Variants in DLG2 observed in about 807,000 individuals in gnomAD.
DLG2 encodes the protein discs large MAGUK scaffold protein 2, also known as disks large homolog 2.
DLG2 carries 45 observed loss-of-function variants against 132.5 expected under a neutral mutation model. The observed-to-expected ratio is 0.34, with a 90% CI of 0.27 to 0.44. DLG2 has a LOEUF of 0.44. Ranked by LOEUF, DLG2 falls within the 20% of genes least tolerant of loss-of-function variation. The pLI is 1.00. For missense variants in DLG2, 1,045 were observed against 1,196.9 expected, an observed-to-expected ratio of 0.87 and a Z score of 1.87; for synonymous variants, 424 against 419.6, an observed-to-expected ratio of 1.01 and a Z score of -0.13.
chr11:84,001,288 T>C (rs1401167783), intron 11 of DLG2, among the ~76,000 whole-genome samples: 1 of 144,146 alleles, frequency 6.9e-6, no homozygotes, highest in Admixed American at 6.9e-5. Flanking sequence ...TGAGTAAGAG[T>C]AGCGATCCTT....
In DLG2 at chr11:84,924,264, A is replaced by G. The variant is rs149918730; in HGVS notation, c.357+187397T>C. 7.4e-4 allele frequency among the ~76,000 whole-genome samples: 113 copies of G among 152,304 alleles called. 2 individuals are homozygous for G. The highest frequency in any genetic ancestry group is 2.6e-3 in the African/African-American group (109 of 41,570). ...AGCCTTGGGAAGCCGATTCTCAGCT[A>G]GAATTCTAAAGCTATCTGGCAAAAT... On this transcript the variant is annotated intron_variant, in intron 6 of 27. Transcript: ENST00000376104.
intron 7 of DLG2, among the ~76,000 whole-genome samples, chr11:84,443,372 A>T (rs979926255): frequency 3.3e-5 from 5 of 152,182 alleles, no homozygotes; most frequent in African/African-American, 1.2e-4. Context: ...ATTTTCAATA[A>T]ACACTCTTGT....
At chr11:85,273,421 A>C (rs1595871171) in intron 4 of DLG2, among the ~76,000 whole-genome samples, 1 of 152,318 alleles carries the variant, frequency 6.6e-6, no homozygotes, top group African/African-American at 2.4e-5. Flanking sequence ...AAAATCAAAC[A>C]ACCCCATCAA....
intron 14 of DLG2, among the ~76,000 whole-genome samples, chr11:83,932,255 G>C (rs1304690761): frequency 1.4e-5 from 2 of 146,840 alleles, no homozygotes; most frequent in African/African-American, 5.1e-5. Flanking sequence ...TTTTTTTTTA[G>C]ACGTAATCTC....
chr11:85,129,857 C>T (rs1594660793), intron 5 of DLG2, among the ~76,000 whole-genome samples: 1 of 152,050 alleles, frequency 6.6e-6, no homozygotes, highest in East Asian at 1.9e-4. Flanking sequence ...ATATATGCAC[C>T]ATAGAATACT....
chr11:85,287,047 G>A (rs1368544542), intron 3 of DLG2, among the ~76,000 whole-genome samples: 1 of 152,042 alleles, frequency 6.6e-6, no homozygotes, highest in African/African-American at 2.4e-5. Context: ...AAAATAAAGG[G>A]ATGAGTAGGA....
chr11:84,454,260 A>G (rs1170268716), intron 7 of DLG2, among the ~76,000 whole-genome samples: 1 of 151,552 alleles, frequency 6.6e-6, no homozygotes, highest in Non-Finnish European at 1.5e-5. Flanking sequence ...GCAAAAATTT[A>G]GGAGCTATTC....
intron 8 of DLG2, among the ~76,000 whole-genome samples, chr11:84,217,313 A>G (rs1249338963): frequency 6.6e-6 from 1 of 152,166 alleles, no homozygotes; most frequent in Non-Finnish European, 1.5e-5. Context: ...AAGTAATTGA[A>G]TCATGGGGGC....
intron 7 of DLG2, chr11:84,437,636 G>C (rs1209656967): frequency 6.6e-6 from 1 of 152,310 alleles, no homozygotes; most frequent in Non-Finnish European, 1.5e-5. Flanking sequence ...AGGGGTTGGG[G>C]GAGAAAAGGC....
chr11:84,464,858 T>C (rs1454748289), intron 7 of DLG2, among the ~76,000 whole-genome samples: 1 of 150,974 alleles, frequency 6.6e-6, no homozygotes, highest in Non-Finnish European at 1.5e-5. Context: ...GGGAATACTT[T>C]CTCCCAACTC....
intron 6 of DLG2, among the ~76,000 whole-genome samples, chr11:84,746,791 G>A (rs75762700): frequency 6.6e-5 from 10 of 152,026 alleles, no homozygotes; most frequent in African/African-American, 2.2e-4. Flanking sequence ...TAAAGAGTTC[G>A]GGCCCACTTC....
Position 83,505,390 on chromosome 11 carries a change from C to T in DLG2, c.2194-21162G>A, listed in dbSNP as rs577308640. 2.6e-5 allele frequency among the ~76,000 whole-genome samples: 4 copies of T among 152,278 alleles called. No individual in the cohort carries two copies. In the East Asian group the frequency reaches 5.8e-4, roughly 22 times the overall value. ...ATCTCCATCCCTGCCACCATGGCCA[C>T]GTTGTTCATGGGCCCATTGGGCGAT... is the stretch of plus-strand genomic sequence containing the variant. On this transcript the variant is annotated intron_variant, in intron 21 of 27. Coordinates refer to ENST00000376104, the MANE Select transcript of DLG2 (RefSeq NM_001142699.3).
Position 84,291,351 on chromosome 11 carries a change from G to A in DLG2, c.520-40060C>T, listed in dbSNP as rs1431748784. 3.3e-5 allele frequency among the ~76,000 whole-genome samples: 5 copies of A among 152,204 alleles called. No homozygotes were observed. The East Asian group carries it at 5.8e-4, about 18-fold the overall frequency. On this transcript the variant is annotated intron_variant, in intron 7 of 27. Transcript: ENST00000376104. Reference sequence around the variant, plus strand: ...CCAAGTTAGACTAAATGGGCAATGCGCAAATCCTAACTATCTCAACTGACA... The same window carrying A: ...CCAAGTTAGACTAAATGGGCAATGCACAAATCCTAACTATCTCAACTGACA...
At chr11:84,765,008 A>G (rs1202672244) in intron 6 of DLG2, among the ~76,000 whole-genome samples, 1 of 152,132 alleles carries the variant, frequency 6.6e-6, no homozygotes, top group Non-Finnish European at 1.5e-5. Context: ...TTGCATGTCC[A>G]ATGGCAGAAA....
chr11:84,103,385 T>G (rs571992396), intron 9 of DLG2, among the ~76,000 whole-genome samples: 328 of 152,176 alleles, frequency 2.2e-3, no homozygotes, highest in Non-Finnish European at 3.9e-3. Context: ...CAGCAATCTC[T>G]CCATGTGAAC....
chr11:85,572,331 A>G (rs181755066), intron 3 of DLG2, among the ~76,000 whole-genome samples: 4 of 152,298 alleles, frequency 2.6e-5, no homozygotes, highest in Admixed American at 2.6e-4. Context: ...TGCAAGGCTT[A>G]TCAATAGTTT....
chr11:84,802,704 A>C (rs994300829), intron 6 of DLG2, among the ~76,000 whole-genome samples: 1 of 151,962 alleles, frequency 6.6e-6, no homozygotes, highest in African/African-American at 2.4e-5. Flanking sequence ...GCACTGAAAA[A>C]AGGCCAGAGA....
chr11:85,388,669 C>A (rs2086549240), intron 3 of DLG2, among the ~76,000 whole-genome samples: 1 of 152,148 alleles, frequency 6.6e-6, no homozygotes, highest in Non-Finnish European at 1.5e-5. Context: ...GATCATATCA[C>A]AGGACTCTTT....
intron 7 of DLG2, among the ~76,000 whole-genome samples, chr11:84,346,726 T>A (rs1024581746): frequency 1.3e-5 from 2 of 152,106 alleles, no homozygotes; most frequent in Admixed American, 1.3e-4. Flanking sequence ...TACAGGCACA[T>A]GCCACCACAC....
Sources: gnomAD v4.1 joint callset for allele counts (sites outside exome capture counted in the v4.1 genomes callset) on GRCh38, gnomAD v4.1.1 for gene constraint, MANE v1.5 for transcripts, NCBI Gene and HGNC (gene_info 2026-07-23, HGNC 2026-07-21) for gene names.